The following SOX6 variants were observed in gnomAD, a reference collection of about 807,000 sequenced individuals.
SOX6 encodes the protein SRY-box transcription factor 6, also known as transcription factor SOX-6.
Under a neutral mutation model 97.8 loss-of-function variants are expected in SOX6, and 11 were observed. The observed-to-expected ratio is 0.11, with a 90% CI of 0.07 to 0.19. The LOEUF (loss-of-function observed/expected upper bound fraction) is 0.19, where lower values mean the gene tolerates loss of function less well. Ranked by LOEUF, SOX6 falls within the 10% of genes least tolerant of loss-of-function variation. The pLI is 1.00. For synonymous variants in SOX6, 360 were observed against 371.4 expected, an observed-to-expected ratio of 0.97 and a Z score of 0.35; for missense variants, 810 against 1,039.5, an observed-to-expected ratio of 0.78 and a Z score of 3.04.
At chr11:16,146,433 T>C (rs1186944778) in intron 6 of SOX6, among the ~76,000 whole-genome samples, 2 of 152,180 alleles carry the variant, frequency 1.3e-5, no homozygotes, top group South Asian at 2.1e-4. Context: ...ATTCAGGACA[T>C]AGGCATGGGC....
intron 9 of SOX6, among the ~76,000 whole-genome samples, chr11:16,066,741 G>C (rs1432871653): frequency 6.6e-6 from 1 of 152,134 alleles, no homozygotes; most frequent in African/African-American, 2.4e-5. Context: ...ATGGTTATCA[G>C]AGGCTAGGAA....
chr11:16,414,928 A>C (rs776516794), intron 1 of SOX6, among the ~76,000 whole-genome samples: 1 of 152,176 alleles, frequency 6.6e-6, no homozygotes, highest in African/African-American at 2.4e-5. Flanking sequence ...ATGCATTGTT[A>C]TTCAATATTA....
intron 9 of SOX6, among the ~76,000 whole-genome samples, chr11:16,067,893 A>C (rs1289903441): frequency 1.3e-5 from 2 of 152,190 alleles, no homozygotes; most frequent in Non-Finnish European, 2.9e-5. Flanking sequence ...GAAAGGAAGA[A>C]AAAAAATTAC....
chr11:16,551,887 G>C (rs777708793), intron 4 of SOX6, among the ~76,000 whole-genome samples: 1 of 152,088 alleles, frequency 6.6e-6, no homozygotes, highest in Admixed American at 6.6e-5. Context: ...TTACAGGCAT[G>C]AGCCACCATG....
chr11:16,365,634 G>A (rs1204726398), intron 1 of SOX6, among the ~76,000 whole-genome samples: 2 of 152,094 alleles, frequency 1.3e-5, no homozygotes, highest in East Asian at 3.9e-4. Context: ...CCAATGCACT[G>A]AGGCTTTCTT....
At chr11:16,500,059 G>C (rs528531012) in intron 4 of SOX6, among the ~76,000 whole-genome samples, 29 of 152,178 alleles carry the variant, frequency 1.9e-4, no homozygotes, top group African/African-American at 3.6e-4. Context: ...CAAAAATCCT[G>C]AATAAAATAC....
chr11:16,245,426 C>T (rs1300560204), intron 3 of SOX6, among the ~76,000 whole-genome samples: 5 of 151,610 alleles, frequency 3.3e-5, no homozygotes, highest in Non-Finnish European at 1.5e-5. Context: ...AGTGTTCTAG[C>T]AACATCAGTT....
At chr11:15,994,289 GGA>G (rs1455172522) in intron 13 of SOX6, among the ~76,000 whole-genome samples, 1 of 151,996 alleles carries the variant, frequency 6.6e-6, no homozygotes, top group Non-Finnish European at 1.5e-5. Context: ...GCATCTTAAA[GGA>G]GAAGTAATAA....
At chr11:16,329,953 T>C (rs1856233776) in intron 2 of SOX6, among the ~76,000 whole-genome samples, 1 of 152,216 alleles carries the variant, frequency 6.6e-6, no homozygotes, top group South Asian at 2.1e-4. Context: ...TCACAGCTAT[T>C]ACAGTACCTT....
intron 3 of SOX6, among the ~76,000 whole-genome samples, chr11:16,649,062 G>A (rs538823702): frequency 6.1e-4 from 92 of 151,568 alleles, no homozygotes; most frequent in Middle Eastern, 3.4e-3. Flanking sequence ...CCAATCAGAC[G>A]GAGACAAAGA....
intron 3 of SOX6, among the ~76,000 whole-genome samples, chr11:16,296,815 G>A (rs1032992358): frequency 6.6e-6 from 1 of 151,888 alleles, no homozygotes; most frequent in African/African-American, 2.4e-5. Flanking sequence ...TTAGAAGTTA[G>A]GTCTATTCCA....
chr11:16,147,369 G>A (rs1051447617), intron 6 of SOX6, among the ~76,000 whole-genome samples: 1 of 152,100 alleles, frequency 6.6e-6, no homozygotes, highest in Non-Finnish European at 1.5e-5. Context: ...GGGGAGGAGG[G>A]AAGGATAGCA....
chr11:16,421,249 A>C (rs979202671), intron 1 of SOX6, among the ~76,000 whole-genome samples: 24 of 152,122 alleles, frequency 1.6e-4, no homozygotes, highest in Admixed American at 1.3e-4. Context: ...ACATATCTGA[A>C]CTCTCAAAAG....
intron 6 of SOX6, among the ~76,000 whole-genome samples, chr11:16,176,306 G>A (rs908105977): frequency 1.3e-5 from 2 of 151,882 alleles, no homozygotes; most frequent in Non-Finnish European, 2.9e-5. Flanking sequence ...AAATCTTTGG[G>A]ATAGGCATCA....
intron 1 of SOX6, among the ~76,000 whole-genome samples, chr11:16,468,283 T>C (rs1489344012): frequency 6.6e-6 from 1 of 152,216 alleles, no homozygotes; most frequent in African/African-American, 2.4e-5. Context: ...AAGAGCTGTT[T>C]GCACTATATT....
rs560032962 is a variant in SOX6 at position 16,286,382 on chromosome 11, G to A, written c.445+32064C>T. Among the ~76,000 whole-genome samples, 4 of 152,242 alleles carry A rather than the reference G, an allele frequency of 2.6e-5. 1 individual carries two copies. The highest frequency in any genetic ancestry group is 9.6e-5 in the African/African-American group (4 of 41,566). On this transcript the variant is annotated intron_variant, in intron 3 of 15. Transcript: ENST00000683767. The stretch of plus-strand genomic sequence containing the variant: ...AATTCTTAGTACATATCAAGAAGAA[G>A]AGGAATGCTCCTGGACATTCTATTT...
chr11:16,072,364 C>T (rs1184046407), intron 9 of SOX6, among the ~76,000 whole-genome samples: 6 of 152,042 alleles, frequency 3.9e-5, no homozygotes, highest in African/African-American at 1.4e-4. Context: ...AGGACTGCTT[C>T]TCTAAAATAA....
At chr11:16,024,403 A>G (rs117406487) in intron 12 of SOX6, among the ~76,000 whole-genome samples, 4,820 of 151,868 alleles carry the variant, frequency 0.032, 117 homozygotes, top group Non-Finnish European at 0.051. Flanking sequence ...CAAATAATAA[A>G]GCAGCATATT....
At chr11:16,221,591 T>A (rs1852540123) in intron 4 of SOX6, among the ~76,000 whole-genome samples, 1 of 152,072 alleles carries the variant, frequency 6.6e-6, no homozygotes, top group Admixed American at 6.6e-5. Context: ...TATTCAGACC[T>A]CAATATTTGG....
Sources: allele counts gnomAD v4.1 joint callset (sites outside exome capture counted in the v4.1 genomes callset), GRCh38; gene constraint gnomAD v4.1.1; transcripts MANE v1.5; gene names NCBI Gene and HGNC (gene_info 2026-07-23, HGNC 2026-07-21).